Variants in KIAA0825 observed in about 807,000 individuals in gnomAD.
The protein encoded by KIAA0825 is KIAA0825, also known as uncharacterized protein KIAA0825.
A neutral mutation model predicts 147.6 loss-of-function variants in KIAA0825; 119 were observed. The observed-to-expected ratio is 0.81, with a 90% CI of 0.69 to 0.94. The LOEUF (loss-of-function observed/expected upper bound fraction) is 0.94, where lower values mean the gene tolerates loss of function less well. Ranked by LOEUF, KIAA0825 falls within the 40% of genes least tolerant of loss-of-function variation. The pLI, the probability that KIAA0825 is intolerant of heterozygous loss-of-function variation, is 0.00. For missense variants in KIAA0825, 1,381 were observed against 1,472.7 expected, an observed-to-expected ratio of 0.94 and a Z score of 1.02; for synonymous variants, 470 against 518.1, an observed-to-expected ratio of 0.91 and a Z score of 1.26.
chr5:94,354,984 A>G (rs576893030), intron 20 of KIAA0825, among the ~76,000 whole-genome samples: 1 of 152,328 alleles, frequency 6.6e-6, no homozygotes, highest in African/African-American at 2.4e-5. Flanking sequence ...CATGTGAGAA[A>G]TACATTGGTT....
chr5:94,356,725 CTTTTTT>C (rs1172838355), intron 20 of KIAA0825, among the ~76,000 whole-genome samples: 1 of 116,738 alleles, frequency 8.6e-6, no homozygotes, highest in Non-Finnish European at 1.7e-5. Context: ...AACTTGATTT[CTTTTTT>C]TTTTTTTTTT....
chr5:94,358,664 A>G (rs1744649640), intron 20 of KIAA0825, among the ~76,000 whole-genome samples: 1 of 152,196 alleles, frequency 6.6e-6, no homozygotes, highest in Non-Finnish European at 1.5e-5. Context: ...CAAAGAAACA[A>G]AAGTTTCCAT....
intron 20 of KIAA0825, among the ~76,000 whole-genome samples, chr5:94,271,039 T>TA (rs1776958113): frequency 6.6e-6 from 1 of 152,136 alleles, no homozygotes; most frequent in Non-Finnish European, 1.5e-5. Flanking sequence ...TTAATAGAAG[T>TA]ATTAAGTATA....
rs75759306 is a variant in KIAA0825 at position 94,308,833 on chromosome 5, C to T, written c.3710+75535G>A. Among the ~76,000 whole-genome samples the T allele has an allele frequency of 5.3e-5, 8 of 150,106 alleles. No homozygotes were observed. In the East Asian group the frequency reaches 1.6e-3, roughly 30 times the overall value. ...AATAAAAAGTCCTTTCCATTCAGGC[C>T]GTTTTCCTCCTTCCAGAGGGAGAAC... On this transcript the variant is annotated intron_variant, in intron 20 of 20. Coordinates refer to ENST00000682413, the MANE Select transcript of KIAA0825 (RefSeq NM_001145678.3).
chr5:94,356,610 C>CA (rs1008463770), intron 20 of KIAA0825, among the ~76,000 whole-genome samples: 9 of 145,238 alleles, frequency 6.2e-5, no homozygotes, highest in East Asian at 4.1e-4. Context: ...GACTCTGTCT[C>CA]AAAAAAAACA....
chr5:94,386,843 T>TCA (rs1295944709), intron 18 of KIAA0825, among the ~76,000 whole-genome samples: 1 of 152,248 alleles, frequency 6.6e-6, no homozygotes, highest in East Asian at 1.9e-4. Flanking sequence ...AGTACTCTGA[T>TCA]ATTTTACTGC....
intron 20 of KIAA0825, among the ~76,000 whole-genome samples, chr5:94,363,883 A>G (rs1215166882): frequency 1.3e-5 from 2 of 152,118 alleles, no homozygotes; most frequent in Non-Finnish European, 2.9e-5. Context: ...AAAAAATTCA[A>G]TAAATGAATT....
chr5:94,232,720 G>A (rs1774796222), intron 20 of KIAA0825, among the ~76,000 whole-genome samples: 1 of 151,786 alleles, frequency 6.6e-6, no homozygotes, highest in African/African-American at 2.4e-5. Flanking sequence ...GCCAAAAAAT[G>A]AAGCTCATTT....
In KIAA0825 at chr5:94,450,818, C is replaced by T. The variant is rs1024901545; in HGVS notation, c.2357+2141G>A. ...AAAAAAGACCTTACATAATTAATAA[C>T]TGACAATCTTATTTGTGCAGTAGAA... On this transcript the variant is annotated intron_variant, in intron 13 of 20. Coordinates refer to ENST00000682413, the MANE Select transcript of KIAA0825 (RefSeq NM_001145678.3). 2.0e-5 allele frequency among the ~76,000 whole-genome samples: 3 copies of T among 152,202 alleles called. No individual in the cohort carries two copies. In the East Asian group the frequency reaches 5.8e-4, roughly 29 times the overall value.
At chr5:94,508,438 G>T (rs1766033079) in intron 5 of KIAA0825, among the ~76,000 whole-genome samples, 1 of 151,908 alleles carries the variant, frequency 6.6e-6, no homozygotes, top group Non-Finnish European at 1.5e-5. Context: ...GCTATAAAAT[G>T]TTCCCAACCA....
At chr5:94,480,413 T>G (rs1183524783) in intron 6 of KIAA0825, among the ~76,000 whole-genome samples, 2 of 152,032 alleles carry the variant, frequency 1.3e-5, no homozygotes, top group African/African-American at 4.8e-5. Flanking sequence ...ACAGAAAAAA[T>G]AATAAAGATC....
chr5:94,557,546 A>G (rs765292974), intron 2 of KIAA0825, among the ~76,000 whole-genome samples: 5 of 152,002 alleles, frequency 3.3e-5, no homozygotes, highest in African/African-American at 9.7e-5. Context: ...TGGATTTCCT[A>G]AGTTGACTAA....
intron 2 of KIAA0825, among the ~76,000 whole-genome samples, chr5:94,542,842 T>C (rs1000202798): frequency 6.6e-6 from 1 of 152,080 alleles, no homozygotes; most frequent in African/African-American, 2.4e-5. Flanking sequence ...TCTGTTTTCA[T>C]TTGTAACAGG....
intron 4 of KIAA0825, 113 bp from the exon 5 acceptor site, chr5:94,521,030 T>C: frequency 1.1e-6 from 1 of 931,128 alleles, no homozygotes; most frequent in East Asian, 2.7e-5. Context: ...CTAAAATTCC[T>C]TAAGATTTTA....
At chr5:94,365,985 G>A (rs1745796367) in intron 20 of KIAA0825, among the ~76,000 whole-genome samples, 2 of 152,024 alleles carry the variant, frequency 1.3e-5, no homozygotes, top group Non-Finnish European at 2.9e-5. Flanking sequence ...TTGATAAACT[G>A]GCTCATATGG....
intron 20 of KIAA0825, among the ~76,000 whole-genome samples, chr5:94,324,781 C>T (rs932995338): frequency 4.0e-5 from 6 of 151,564 alleles, no homozygotes; most frequent in Non-Finnish European, 8.8e-5. Flanking sequence ...TTATAGTCTA[C>T]CTATATACCT....
At chr5:94,205,364 T>C (rs1404537376) in intron 20 of KIAA0825, among the ~76,000 whole-genome samples, 2 of 149,302 alleles carry the variant, frequency 1.3e-5, no homozygotes, top group South Asian at 2.1e-4. Context: ...TGTTGTGGCG[T>C]GATCTCGGCT....
chr5:94,195,147 A>G (rs529110920), intron 20 of KIAA0825, among the ~76,000 whole-genome samples: 1 of 152,336 alleles, frequency 6.6e-6, no homozygotes, highest in African/African-American at 2.4e-5. Flanking sequence ...GACTGACTGA[A>G]TCCAATTCCT....
At chr5:94,349,284 C>T (rs569001738) in intron 20 of KIAA0825, among the ~76,000 whole-genome samples, 22 of 152,252 alleles carry the variant, frequency 1.4e-4, no homozygotes, top group Admixed American at 1.1e-3. Context: ...CCATAGCTCC[C>T]AAATTTATAA....
Sources: gnomAD v4.1 joint callset for allele counts (sites outside exome capture counted in the v4.1 genomes callset) on GRCh38, gnomAD v4.1.1 for gene constraint, MANE v1.5 for transcripts, NCBI Gene and HGNC (gene_info 2026-07-23, HGNC 2026-07-21) for gene names.